The following MPC2 variants were observed in gnomAD, a reference collection of about 807,000 sequenced individuals.
MPC2 encodes the protein brain protein 44.
A neutral mutation model predicts 19.2 loss-of-function variants in MPC2; 19 were observed. The observed-to-expected ratio is 0.99, with a 90% CI of 0.69 to 1.45. The LOEUF is 1.45. Ranked by LOEUF, MPC2 falls within the 40% of genes most tolerant of loss-of-function variation. MPC2 has a pLI of 0.00. For synonymous variants in MPC2, 61 were observed against 54.3 expected, an observed-to-expected ratio of 1.12 and a Z score of -0.54; for missense variants, 122 against 153.0, an observed-to-expected ratio of 0.80 and a Z score of 1.07.
At chr1:167,922,939 C>G (rs1358796747) in intron 3 of MPC2, among the ~76,000 whole-genome samples, 1 of 152,038 alleles carries the variant, frequency 6.6e-6, no homozygotes, top group Non-Finnish European at 1.5e-5. Flanking sequence ...CCAATAAGTA[C>G]AATAAGTATA....
Position 167,917,317 on chromosome 1 carries a change from A to T in MPC2, c.*1006T>A, listed in dbSNP as rs1670478060. Reference sequence around the variant, plus strand: ...CCTAACTTGTCTAAAGTCACAGCATAGGCTGGGTATGGTGGCTCATGCCTG... The same window carrying T: ...CCTAACTTGTCTAAAGTCACAGCATTGGCTGGGTATGGTGGCTCATGCCTG... On this transcript the variant is annotated 3_prime_UTR_variant, in exon 6 of 6. Transcript: ENST00000271373. The T allele has an allele frequency of 6.6e-6, 1 of 152,260 alleles. No individual in the cohort carries two copies. Among genetic ancestry groups the T allele is most frequent in the South Asian group, 2.1e-4 (1 of 4,820 alleles). 9.4% of individuals were successfully genotyped at this position (152,260 alleles called of 1,614,324 possible).
chr1:167,931,837 T>C (rs1670921047), intron 2 of MPC2, among the ~76,000 whole-genome samples: 1 of 152,188 alleles, frequency 6.6e-6, no homozygotes, highest in South Asian at 2.1e-4. Flanking sequence ...ACTGATAACA[T>C]TGGTTCATTT....
At chr1:167,926,180 G>T (rs1286496699) in intron 2 of MPC2, among the ~76,000 whole-genome samples, 1 of 152,110 alleles carries the variant, frequency 6.6e-6, no homozygotes, top group Non-Finnish European at 1.5e-5. Flanking sequence ...GTGTACGTTC[G>T]AATTTTCCGT....
chr1:167,934,553 A>G (rs75872059), intron 2 of MPC2, among the ~76,000 whole-genome samples: 46 of 152,286 alleles, frequency 3.0e-4, no homozygotes, highest in African/African-American at 7.9e-4. Context: ...GCAGTAAATA[A>G]TATTAAGGGT....
chr1:167,936,601 G>T (rs1436007085), intron 1 of MPC2: 6 of 344,788 alleles, frequency 1.7e-5, no homozygotes, highest in Non-Finnish European at 2.7e-5. Context: ...CCAGGACGAG[G>T]AGAGGGAGGA....
intron 5 of MPC2, 42 bp downstream of exon 5, chr1:167,919,937 T>C: frequency 6.8e-7 from 1 of 1,467,772 alleles, no homozygotes; most frequent in Non-Finnish European, 9.3e-7. Context: ...GCCATCTAAG[T>C]AGCTTTTGCA....
intron 2 of MPC2, among the ~76,000 whole-genome samples, chr1:167,935,274 C>A (rs1281412906): frequency 6.6e-6 from 1 of 152,228 alleles, no homozygotes; most frequent in Non-Finnish European, 1.5e-5. Context: ...AGGGCTCAGT[C>A]TGCAGGCCTC....
chr1:167,919,008 T>G (rs1037992778), intron 5 of MPC2, among the ~76,000 whole-genome samples: 2 of 152,218 alleles, frequency 1.3e-5, no homozygotes, highest in African/African-American at 4.8e-5. Flanking sequence ...TGTGAACATA[T>G]GTATAAAATT....
At chr1:167,936,749 A>G (rs11558510) in intron 1 of MPC2, 190 bp downstream of exon 1, 62,175 of 620,450 alleles carry the variant, frequency 0.1, 4,061 homozygotes, top group African/African-American at 0.24. Context: ...GCCGGGCTTC[A>G]GGGGCCCAGG....
At chr1:167,922,328 C>T (rs906689025) in intron 3 of MPC2, among the ~76,000 whole-genome samples, 1 of 151,928 alleles carries the variant, frequency 6.6e-6, no homozygotes, top group Non-Finnish European at 1.5e-5. Context: ...CAGTAATGAA[C>T]CAGTTCAAAT....
At chr1:167,925,944 AAT>A (rs1285014009) in intron 2 of MPC2, among the ~76,000 whole-genome samples, 19 of 152,220 alleles carry the variant, frequency 1.2e-4, no homozygotes, top group African/African-American at 4.3e-4. Context: ...ATAGTTTTAA[AAT>A]ATGTTTGCTG....
chr1:167,932,656 A>C (rs1467369328), intron 2 of MPC2, among the ~76,000 whole-genome samples: 1 of 152,076 alleles, frequency 6.6e-6, no homozygotes, highest in Non-Finnish European at 1.5e-5. Flanking sequence ...TAAAAACACA[A>C]AAATTAGCTG....
intron 2 of MPC2, among the ~76,000 whole-genome samples, chr1:167,933,773 T>C (rs1199760762): frequency 3.3e-5 from 5 of 152,214 alleles, no homozygotes; most frequent in Non-Finnish European, 7.3e-5. Context: ...AGCTCCTCCA[T>C]TTCTACACTG....
chr1:167,936,780 T>G, intron 1 of MPC2, 159 bp downstream of exon 1: 1 of 781,192 alleles, frequency 1.3e-6, no homozygotes, highest in Non-Finnish European at 2.1e-6. Context: ...GCCACCGCCA[T>G]CTAACGCTGC....
intron 1 of MPC2, 117 bp downstream of exon 1, chr1:167,936,822 G>C: frequency 8.3e-7 from 1 of 1,198,466 alleles, no homozygotes; most frequent in Non-Finnish European, 1.2e-6. Flanking sequence ...GATGGTGCCG[G>C]TGCGGCTCGG....
At chr1:167,919,536 C>G (rs1670547998) in intron 5 of MPC2, among the ~76,000 whole-genome samples, 1 of 152,220 alleles carries the variant, frequency 6.6e-6, no homozygotes, top group East Asian at 1.9e-4. Flanking sequence ...AGACCTCACT[C>G]TACGTATCAT....
At chr1:167,930,946 A>G (rs1173962964) in intron 2 of MPC2, among the ~76,000 whole-genome samples, 1 of 152,250 alleles carries the variant, frequency 6.6e-6, no homozygotes, top group Non-Finnish European at 1.5e-5. Context: ...AACTGCATCA[A>G]GGATGATAAT....
At chr1:167,925,572 A>T (rs1670735724) in intron 2 of MPC2, among the ~76,000 whole-genome samples, 1 of 138,818 alleles carries the variant, frequency 7.2e-6, no homozygotes, top group South Asian at 2.3e-4. Context: ...TTTGAGACAG[A>T]GTCTCACTCT....
intron 2 of MPC2, among the ~76,000 whole-genome samples, chr1:167,927,230 A>G (rs1384613945): frequency 6.6e-6 from 1 of 152,200 alleles, no homozygotes; most frequent in Non-Finnish European, 1.5e-5. Flanking sequence ...CTTTATGCCA[A>G]GGATATATTA....
Sources: allele counts gnomAD v4.1 joint callset (sites outside exome capture counted in the v4.1 genomes callset), GRCh38; gene constraint gnomAD v4.1.1; transcripts MANE v1.5; gene names NCBI Gene and HGNC (gene_info 2026-07-23, HGNC 2026-07-21).